Variants in PPM1L observed in about 807,000 individuals in gnomAD.
PPM1L encodes protein phosphatase, Mg2+/Mn2+ dependent 1L, also known as protein phosphatase 1L.
Under a neutral mutation model 31.4 loss-of-function variants are expected in PPM1L, and 13 were observed. The observed-to-expected ratio is 0.41, with a 90% confidence interval of 0.27 to 0.66. PPM1L has a LOEUF of 0.66. Ranked by LOEUF, PPM1L falls within the 30% of genes least tolerant of loss-of-function variation. The pLI, the probability that PPM1L is intolerant of heterozygous loss-of-function variation, is 0.29. For synonymous variants in PPM1L, 184 were observed against 175.4 expected, an observed-to-expected ratio of 1.05 and a Z score of -0.39; for missense variants, 326 against 453.7, an observed-to-expected ratio of 0.72 and a Z score of 2.56.
rs1042300319 is a variant in PPM1L at position 161,075,122 on chromosome 3, G to C, written c.*5965G>C. The C allele has an allele frequency of 1.8e-4, 28 of 152,092 alleles. No individual in the cohort carries two copies. Among genetic ancestry groups the C allele is most frequent in the African/African-American group, 6.8e-4 (28 of 41,406 alleles). The allele number at this position is 152,092 out of a possible 1,614,324, so 9.4% of individuals were successfully genotyped here. Reference sequence around the variant, plus strand: ...TCGCTGCCACTTCAGGAGAGGGATTGTATCAGCTCTCATTACCTTTTGTCA... The same window carrying C: ...TCGCTGCCACTTCAGGAGAGGGATTCTATCAGCTCTCATTACCTTTTGTCA... On this transcript the variant is annotated 3_prime_UTR_variant, in exon 4 of 4. Transcript: ENST00000498165.
At position 160,811,682 on chromosome 3, in the gene PPM1L, G is replaced by T. The variant is rs138423659; in HGVS notation, c.399+54975G>T. Among the ~76,000 whole-genome samples the T allele has an allele frequency of 2.9e-3, 437 of 152,288 alleles. 2 individuals carry two copies. Among genetic ancestry groups the T allele is most frequent in the African/African-American group, 0.01 (424 of 41,560 alleles). ...GGAAAAGGTATGGGCTTGAGAGCTAGATAGATATGGTTCTGAATCTTGGCT... is the reference window on the plus strand; with the variant it reads ...GGAAAAGGTATGGGCTTGAGAGCTATATAGATATGGTTCTGAATCTTGGCT... On this transcript the variant is annotated intron_variant, in intron 1 of 3. Coordinates refer to ENST00000498165, the MANE Select transcript of PPM1L (RefSeq NM_139245.4).
At chr3:161,062,566 ATCTT>A (rs1719606406) in intron 2 of PPM1L, among the ~76,000 whole-genome samples, 1 of 152,216 alleles carries the variant, frequency 6.6e-6, no homozygotes, top group African/African-American at 2.4e-5. Context: ...CCCTGGAATC[ATCTT>A]TTAAAATATG....
chr3:160,798,312 A>G (rs1283559203), intron 1 of PPM1L, among the ~76,000 whole-genome samples: 1 of 152,244 alleles, frequency 6.6e-6, no homozygotes, highest in East Asian at 1.9e-4. Flanking sequence ...GCCTTCCTGG[A>G]GGAAGATGCC....
intron 2 of PPM1L, among the ~76,000 whole-genome samples, chr3:160,981,204 G>A (rs183921468): frequency 3.3e-5 from 5 of 152,302 alleles, no homozygotes; most frequent in African/African-American, 1.2e-4. Flanking sequence ...AAATTTAGCA[G>A]CTTAAGACAA....
chr3:160,825,602 G>A (rs1320960891), intron 1 of PPM1L, among the ~76,000 whole-genome samples: 1 of 152,140 alleles, frequency 6.6e-6, no homozygotes, highest in Non-Finnish European at 1.5e-5. Context: ...GTCACTAAGG[G>A]CAACACTATT....
At chr3:160,900,879 T>C (rs1292875482) in intron 1 of PPM1L, among the ~76,000 whole-genome samples, 1 of 152,204 alleles carries the variant, frequency 6.6e-6, no homozygotes, top group Non-Finnish European at 1.5e-5. Context: ...TGCATATTGC[T>C]AAATCTAAAT....
chr3:160,832,086 A>G (rs955449782), intron 1 of PPM1L, among the ~76,000 whole-genome samples: 3 of 152,210 alleles, frequency 2.0e-5, no homozygotes, highest in African/African-American at 4.8e-5. Flanking sequence ...AGTAGAAGAG[A>G]TTAGAGATGT....
rs1719892306 is a variant in PPM1L at position 161,070,898 on chromosome 3, G to A, written c.*1741G>A. On this transcript the variant is annotated 3_prime_UTR_variant, in exon 4 of 4. Transcript: ENST00000498165. Reference sequence around the variant, plus strand: ...TTTCTCCAAGCACTTAACTTTCTTTGACTGCACTGAGAATTGCTAATGATT... The same window carrying A: ...TTTCTCCAAGCACTTAACTTTCTTTAACTGCACTGAGAATTGCTAATGATT... 6.6e-6 allele frequency: 1 copy of A among 152,178 alleles called. No individual in the cohort carries two copies. Among genetic ancestry groups the A allele is most frequent in the Non-Finnish European group, 1.5e-5 (1 of 68,052 alleles). The allele number at this position is 152,178 out of a possible 1,614,324, so 9.4% of individuals were successfully genotyped here.
intron 1 of PPM1L, among the ~76,000 whole-genome samples, chr3:160,911,955 A>G (rs1713989293): frequency 6.6e-6 from 1 of 152,222 alleles, no homozygotes; most frequent in African/African-American, 2.4e-5. Flanking sequence ...TGCATTCAAG[A>G]GAGAAAACAA....
chr3:160,784,071 T>C (rs1321116117), intron 1 of PPM1L, among the ~76,000 whole-genome samples: 1 of 152,210 alleles, frequency 6.6e-6, no homozygotes, highest in African/African-American at 2.4e-5. Flanking sequence ...TTAACATCTT[T>C]GAAAGTGCAA....
intron 1 of PPM1L, among the ~76,000 whole-genome samples, chr3:160,868,280 G>C (rs1009049376): frequency 1.3e-5 from 2 of 152,170 alleles, no homozygotes; most frequent in African/African-American, 2.4e-5. Flanking sequence ...CTTAGGGAAG[G>C]GGGGTCCAGG....
chr3:160,959,726 A>G (rs1297060640), intron 1 of PPM1L, among the ~76,000 whole-genome samples: 1 of 152,104 alleles, frequency 6.6e-6, no homozygotes, highest in Non-Finnish European at 1.5e-5. Context: ...CTAGCTACTC[A>G]GGAGGCTGAG....
intron 2 of PPM1L, among the ~76,000 whole-genome samples, chr3:161,006,155 A>G (rs1334666490): frequency 6.6e-6 from 1 of 152,246 alleles, no homozygotes; most frequent in Admixed American, 6.5e-5. Flanking sequence ...TATACATACA[A>G]TGGAACATTA....
intron 1 of PPM1L, among the ~76,000 whole-genome samples, chr3:160,790,233 A>G (rs1353265191): frequency 6.6e-6 from 1 of 152,126 alleles, no homozygotes; most frequent in East Asian, 1.9e-4. Flanking sequence ...TTTTGATGAT[A>G]TTACGCTGAT....
intron 1 of PPM1L, among the ~76,000 whole-genome samples, chr3:160,856,336 G>A (rs1037198788): frequency 3.9e-5 from 6 of 152,078 alleles, no homozygotes; most frequent in Non-Finnish European, 4.4e-5. Flanking sequence ...AATATAAACC[G>A]TTCGAAGATA....
In PPM1L at chr3:161,069,944, C is replaced by G. The variant is rs1338900993; in HGVS notation, c.*787C>G. 1 of 152,094 alleles carries G rather than the reference C, an allele frequency of 6.6e-6. No individual in the cohort carries two copies. The highest frequency in any genetic ancestry group is 1.5e-5 in the Non-Finnish European group (1 of 68,032). The allele number at this position is 152,094 out of a possible 1,614,324, so 9.4% of individuals were successfully genotyped here. On this transcript the variant is annotated 3_prime_UTR_variant, in exon 4 of 4. Coordinates refer to ENST00000498165, the MANE Select transcript of PPM1L (RefSeq NM_139245.4). The stretch of plus-strand genomic sequence containing the variant: ...AGCTGTTAAATTCACCAACAGATAC[C>G]CTGATTTTTCATCTTACGTGACCAA...
At chr3:160,977,779 C>A (rs1253565510) in intron 2 of PPM1L, among the ~76,000 whole-genome samples, 2 of 152,038 alleles carry the variant, frequency 1.3e-5, no homozygotes, top group African/African-American at 2.4e-5. Flanking sequence ...ATTAAGCATC[C>A]AATTTCTCCT....
Position 160,756,375 on chromosome 3 carries a change from C to CTTTT in PPM1L, c.67_68insTTTT (p.Pro23LeufsTer55), listed in dbSNP as rs780350087. 6.2e-7 allele frequency: 1 copy of CTTTT among 1,614,238 alleles called. No homozygotes were observed. The highest frequency in any genetic ancestry group is 1.7e-5 in the Admixed American group (1 of 60,032). On this transcript the variant is annotated frameshift_variant, in exon 1 of 4. Coordinates refer to ENST00000498165, the MANE Select transcript of PPM1L (RefSeq NM_139245.4). LOFTEE classifies it high-confidence loss of function. The surrounding 1 kb of genome is among the most constrained non-coding windows in gnomAD (Gnocchi z 6.2). ...CATCATGCGCTACTTCTTGCTGAGACCCGAGACGCTTTTCCTGCTGTGCAT... is the reference window on the plus strand; with the variant it reads ...CATCATGCGCTACTTCTTGCTGAGACTTTTCCGAGACGCTTTTCCTGCTGTGCAT...
At chr3:161,002,459 G>A (rs1484462787) in intron 2 of PPM1L, among the ~76,000 whole-genome samples, 13 of 152,072 alleles carry the variant, frequency 8.5e-5, no homozygotes, top group South Asian at 2.1e-4. Context: ...CACCAACAGC[G>A]TAAAAGTGTT....
Sources: allele counts gnomAD v4.1 joint callset (sites outside exome capture counted in the v4.1 genomes callset), GRCh38; gene constraint gnomAD v4.1.1; non-coding constraint Gnocchi (gnomAD v3.1); transcripts MANE v1.5; gene names NCBI Gene and HGNC (gene_info 2026-07-23, HGNC 2026-07-21).